The following SLC25A13 variants were observed in gnomAD, a reference collection of about 807,000 sequenced individuals.
SLC25A13 encodes the protein solute carrier family 25 member 13.
In SLC25A13, 70 loss-of-function variants were observed where a neutral mutation model predicts 85.5. That is an observed-to-expected ratio of 0.82 (90% confidence interval 0.68 to 1.00). SLC25A13 has a LOEUF of 1.00. Ranked by LOEUF, SLC25A13 falls within the 50% of genes least tolerant of loss-of-function variation. The pLI is 0.00. For missense variants in SLC25A13, 765 were observed against 819.8 expected (o/e 0.93, Z 0.82); for synonymous variants, 259 against 288.7 (o/e 0.90, Z 1.04).
chr7:96,286,380 C>T lies in SLC25A13; in HGVS notation c.70-9042G>A, dbSNP rs796181599. ...TACCACCACCCAGGATCCTGTGCCC[C>T]GAGCCAGCCCAAGTGTTTAGCCATT... On this transcript the variant is annotated intron_variant, in intron 2 of 17. Transcript: ENST00000265631. 1.2e-4 allele frequency among the ~76,000 whole-genome samples: 19 copies of T among 152,176 alleles called. No individual in the cohort carries two copies. In the South Asian group the frequency reaches 1.9e-3, roughly 15 times the overall value.
intron 2 of SLC25A13, among the ~76,000 whole-genome samples, chr7:96,291,162 C>T (rs544089107): frequency 1.2e-4 from 19 of 152,166 alleles, no homozygotes; most frequent in Non-Finnish European, 2.5e-4. Context: ...AACTGAACAA[C>T]CTGCTCCTGA....
At chr7:96,218,708 C>A (rs150674692) in intron 4 of SLC25A13, among the ~76,000 whole-genome samples, 6 of 152,264 alleles carry the variant, frequency 3.9e-5, no homozygotes, top group African/African-American at 1.4e-4. Context: ...CTCTCTTTCT[C>A]ATGGATTTTA....
intron 5 of SLC25A13, among the ~76,000 whole-genome samples, chr7:96,203,542 G>GT (rs1562840049): frequency 6.6e-6 from 1 of 152,196 alleles, no homozygotes; most frequent in African/African-American, 2.4e-5. Flanking sequence ...TAAGGTGACT[G>GT]TAAGGACAAA....
intron 3 of SLC25A13, among the ~76,000 whole-genome samples, chr7:96,261,893 A>G (rs1328656374): frequency 1.3e-5 from 2 of 152,172 alleles, no homozygotes; most frequent in Non-Finnish European, 2.9e-5. Flanking sequence ...GACGGGGAAG[A>G]GGACCAACTC....
At chr7:96,252,654 G>T (rs1312905603) in intron 3 of SLC25A13, among the ~76,000 whole-genome samples, 2 of 152,194 alleles carry the variant, frequency 1.3e-5, no homozygotes, top group Admixed American at 6.5e-5. Flanking sequence ...TAATGAACGT[G>T]AAGTGAGTAT....
At chr7:96,303,452 C>CTACT (rs1333306593) in intron 1 of SLC25A13, among the ~76,000 whole-genome samples, 17 of 152,160 alleles carry the variant, frequency 1.1e-4, no homozygotes, top group African/African-American at 4.1e-4. Flanking sequence ...GGAAATAGTG[C>CTACT]AGTAGATGGC....
chr7:96,303,689 C>T (rs765348669), intron 1 of SLC25A13, among the ~76,000 whole-genome samples: 1 of 152,156 alleles, frequency 6.6e-6, no homozygotes, highest in Admixed American at 6.5e-5. Flanking sequence ...CTGCCAAGCA[C>T]GCACCATTGC....
At chr7:96,191,599 C>T (rs1176137594) in intron 6 of SLC25A13, among the ~76,000 whole-genome samples, 4 of 152,080 alleles carry the variant, frequency 2.6e-5, no homozygotes, top group African/African-American at 2.4e-5. Context: ...AAGGCTTAAA[C>T]ATGCAAAAAC....
intron 4 of SLC25A13, among the ~76,000 whole-genome samples, chr7:96,226,358 T>G (rs1219237504): frequency 6.6e-6 from 1 of 152,220 alleles, no homozygotes; most frequent in African/African-American, 2.4e-5. Flanking sequence ...TATGGCTGAA[T>G]AATATTCTAT....
At position 96,277,168 on chromosome 7, in the gene SLC25A13, TAAATA is replaced by T. The variant is rs1467012196; in HGVS notation, c.212+23_212+27del. ...GAAAGCTGTTTCAAACAAAAAGAATTAAATAAAATAATTAAAAATAAACATACCCA... is the reference window on the plus strand; with the variant it reads ...GAAAGCTGTTTCAAACAAAAAGAATTAAATAATTAAAAATAAACATACCCA... On this transcript the variant is annotated intron_variant, in intron 3 of 17. Coordinates refer to ENST00000265631, the MANE Select transcript of SLC25A13 (RefSeq NM_014251.3). The T allele has an allele frequency of 2.0e-6, 3 of 1,529,342 alleles. No homozygotes were observed. The African/African-American group carries it at 4.2e-5, about 21-fold the overall frequency. The allele number at this position is 1,529,342 out of a possible 1,614,324, so 94.7% of individuals were successfully genotyped here.
chr7:96,147,099 AC>A (rs371697503), intron 13 of SLC25A13, among the ~76,000 whole-genome samples: 1 of 127,082 alleles, frequency 7.9e-6, no homozygotes, highest in Non-Finnish European at 1.5e-5. Flanking sequence ...ATGAGGAGAC[AC>A]AGAACGTATC....
chr7:96,144,154 T>C (rs531211511), intron 14 of SLC25A13, among the ~76,000 whole-genome samples: 2 of 152,326 alleles, frequency 1.3e-5, no homozygotes, highest in East Asian at 3.9e-4. Flanking sequence ...TGCTGTGATG[T>C]CTGACCACGT....
At chr7:96,255,653 C>T (rs1016009312) in intron 3 of SLC25A13, among the ~76,000 whole-genome samples, 1 of 152,158 alleles carries the variant, frequency 6.6e-6, no homozygotes, top group Non-Finnish European at 1.5e-5. Context: ...TACCACTACA[C>T]TTCAGCCTGG....
intron 3 of SLC25A13, among the ~76,000 whole-genome samples, chr7:96,247,599 A>T (rs1410885807): frequency 1.3e-5 from 2 of 152,164 alleles, no homozygotes; most frequent in Non-Finnish European, 2.9e-5. Context: ...AATGCACTCA[A>T]ATTCGGCAAC....
chr7:96,154,268 C>T (rs1053858483), intron 13 of SLC25A13, among the ~76,000 whole-genome samples: 5 of 149,374 alleles, frequency 3.3e-5, no homozygotes, highest in South Asian at 2.1e-4. Flanking sequence ...GATCCAAATA[C>T]GTAGAGTCAC....
chr7:96,150,828 T>C (rs190726021), intron 13 of SLC25A13, among the ~76,000 whole-genome samples: 88 of 152,206 alleles, frequency 5.8e-4, no homozygotes, highest in Admixed American at 5.2e-4. Flanking sequence ...GTTTGTGGTA[T>C]TTTGTTTTGG....
chr7:96,179,647 T>G (rs1411557174), intron 11 of SLC25A13, among the ~76,000 whole-genome samples: 3 of 152,250 alleles, frequency 2.0e-5, no homozygotes, highest in African/African-American at 7.2e-5. Context: ...TCTGATATTT[T>G]TATAGCTTAA....
At chr7:96,169,399 T>C (rs1301256348) in intron 13 of SLC25A13, among the ~76,000 whole-genome samples, 2 of 152,200 alleles carry the variant, frequency 1.3e-5, no homozygotes, top group Admixed American at 1.3e-4. Flanking sequence ...CACTAGTCTT[T>C]GTATAAGAGT....
At chr7:96,230,955 C>T (rs1033011273) in intron 4 of SLC25A13, among the ~76,000 whole-genome samples, 11 of 152,054 alleles carry the variant, frequency 7.2e-5, no homozygotes, top group Non-Finnish European at 1.6e-4. Flanking sequence ...CTGAAAAATA[C>T]AAAAAATCAG....
Sources: gnomAD v4.1 joint callset for allele counts (sites outside exome capture counted in the v4.1 genomes callset) on GRCh38, gnomAD v4.1.1 for gene constraint, MANE v1.5 for transcripts, NCBI Gene and HGNC (gene_info 2026-07-23, HGNC 2026-07-21) for gene names.